Variants in UBTD2 observed in about 807,000 individuals in gnomAD.
The protein encoded by UBTD2 is ubiquitin domain-containing protein 2.
In UBTD2, 9 loss-of-function variants were observed where a neutral mutation model predicts 19.8. The observed-to-expected ratio is 0.46, with a 90% CI of 0.27 to 0.79. UBTD2 has a LOEUF of 0.79. Among genes scored for constraint, UBTD2 ranks in the 30% least tolerant of loss-of-function variants. UBTD2 has a pLI of 0.14. For missense variants in UBTD2, 250 were observed against 300.4 expected, an observed-to-expected ratio of 0.83 and a Z score of 1.24; for synonymous variants, 98 against 103.9, an observed-to-expected ratio of 0.94 and a Z score of 0.35.
chr5:172,217,392 C>A (rs540797973), intron 2 of UBTD2, among the ~76,000 whole-genome samples: 2 of 144,342 alleles, frequency 1.4e-5, no homozygotes, highest in East Asian at 4.0e-4. Context: ...GCACTCCAGC[C>A]TGGGCGAAAG....
chr5:172,238,784 C>A (rs1472201681), intron 1 of UBTD2, among the ~76,000 whole-genome samples: 1 of 152,098 alleles, frequency 6.6e-6, no homozygotes, highest in Admixed American at 6.6e-5. Context: ...TCTTTGAAAA[C>A]CTTGATTTAA....
At chr5:172,258,618 T>C (rs576920365) in intron 1 of UBTD2, among the ~76,000 whole-genome samples, 114 of 152,344 alleles carry the variant, frequency 7.5e-4, no homozygotes, top group Non-Finnish European at 1.2e-3. Context: ...TTTGTTTATG[T>C]CCTCTGATTT....
Position 172,248,460 on chromosome 5 carries a change from C to T in UBTD2, c.71-14102G>A, listed in dbSNP as rs554138789. 2.8e-4 allele frequency among the ~76,000 whole-genome samples: 42 copies of T among 152,080 alleles called. 1 individual carries two copies. Among genetic ancestry groups the T allele is most frequent in the Middle Eastern group, 3.4e-3 (1 of 294 alleles). ...AAAATTAGCTGGGTGTGGCGGCACA[C>T]CCCCGTAGTCCCAGCTACTCGGGAG... On this transcript the variant is annotated intron_variant, in intron 1 of 2. Transcript: ENST00000393792.
chr5:172,244,295 G>GTTTGTT (rs1214308760), intron 1 of UBTD2, among the ~76,000 whole-genome samples: 2 of 126,068 alleles, frequency 1.6e-5, no homozygotes, highest in Non-Finnish European at 3.3e-5. Flanking sequence ...TTTCCTCCCA[G>GTTTGTT]TTTTTTTTTT....
intron 1 of UBTD2, among the ~76,000 whole-genome samples, chr5:172,272,413 T>C (rs985605245): frequency 2.0e-5 from 3 of 152,096 alleles, no homozygotes; most frequent in Non-Finnish European, 4.4e-5. Flanking sequence ...AGCGGAAAGA[T>C]GCGAGGGATG....
At chr5:172,216,164 C>CA (rs566675245) in intron 2 of UBTD2, among the ~76,000 whole-genome samples, 291 of 150,078 alleles carry the variant, frequency 1.9e-3, no homozygotes, top group African/African-American at 6.1e-3. Flanking sequence ...GAGACTGTCT[C>CA]AAAAAAAACA....
intron 2 of UBTD2, 115 bp downstream of exon 2, chr5:172,234,006 TA>T (rs879428326): frequency 0.015 from 12,662 of 846,084 alleles, no homozygotes; most frequent in South Asian, 0.017. Flanking sequence ...CTTGCTACAT[TA>T]AAAAAAAAAG....
intron 1 of UBTD2, among the ~76,000 whole-genome samples, chr5:172,280,235 A>C (rs1755682797): frequency 6.6e-6 from 1 of 151,484 alleles, no homozygotes; most frequent in Non-Finnish European, 1.5e-5. Context: ...GGCTGGGCAC[A>C]GTCGCTCACA....
At chr5:172,221,661 CAAT>C (rs1283872400) in intron 2 of UBTD2, among the ~76,000 whole-genome samples, 1 of 151,968 alleles carries the variant, frequency 6.6e-6, no homozygotes, top group African/African-American at 2.4e-5. Flanking sequence ...ACTATGAAGA[CAAT>C]AAAAAAGGTC....
intron 2 of UBTD2, among the ~76,000 whole-genome samples, chr5:172,223,779 T>C (rs13356031): frequency 0.33 from 50,463 of 151,648 alleles, 8,492 homozygotes; most frequent in South Asian, 0.42. Flanking sequence ...GTCACAGAAC[T>C]AGTAAGTGGC....
intron 1 of UBTD2, among the ~76,000 whole-genome samples, chr5:172,273,632 T>C (rs1440647549): frequency 8.4e-6 from 1 of 119,006 alleles, no homozygotes; most frequent in Admixed American, 8.5e-5. Flanking sequence ...CTTTCCAACA[T>C]AAATTCCAAT....
chr5:172,262,539 T>C (rs539391933), intron 1 of UBTD2, among the ~76,000 whole-genome samples: 1 of 147,736 alleles, frequency 6.8e-6, no homozygotes, highest in South Asian at 2.2e-4. Flanking sequence ...CAGCCAGGCA[T>C]GGTGGCTCAC....
At chr5:172,237,209 T>C (rs146969910) in intron 1 of UBTD2, among the ~76,000 whole-genome samples, 4,012 of 152,268 alleles carry the variant, frequency 0.026, 91 homozygotes, top group Middle Eastern at 0.054. Flanking sequence ...TTCTCCTGCC[T>C]CAGCCTCTCG....
Position 172,283,315 on chromosome 5 carries a change from G to T in UBTD2, c.70+281C>A, listed in dbSNP as rs1238452528. Among the ~76,000 whole-genome samples the T allele has an allele frequency of 6.6e-6, 1 of 152,112 alleles. No homozygotes were observed. Among genetic ancestry groups the T allele is most frequent in the Admixed American group, 6.5e-5 (1 of 15,280 alleles). Reference sequence around the variant, plus strand: ...GCCTGGAGAGGGAGTGAGGTGGCCAGAAGGGCAGCTTCGGGTCCGACTTCC... The same window carrying T: ...GCCTGGAGAGGGAGTGAGGTGGCCATAAGGGCAGCTTCGGGTCCGACTTCC... On this transcript the variant is annotated intron_variant, in intron 1 of 2. Transcript: ENST00000393792. This position sits in a 1 kb window ranked among gnomAD's most constrained non-coding sequence, Gnocchi z 4.3.
chr5:172,256,299 A>AAC (rs373444262), intron 1 of UBTD2, among the ~76,000 whole-genome samples: 2 of 152,038 alleles, frequency 1.3e-5, no homozygotes, highest in African/African-American at 4.8e-5. Flanking sequence ...ACCTGCCCCC[A>AAC]ACACACACAC....
intron 2 of UBTD2, among the ~76,000 whole-genome samples, chr5:172,232,912 C>T (rs938451982): frequency 7.2e-5 from 11 of 151,734 alleles, no homozygotes; most frequent in African/African-American, 2.7e-4. Context: ...GAGGCTGAGG[C>T]GGGCGGATCA....
chr5:172,232,205 G>A (rs1233913341), intron 2 of UBTD2, among the ~76,000 whole-genome samples: 2 of 151,990 alleles, frequency 1.3e-5, no homozygotes, highest in African/African-American at 2.4e-5. Flanking sequence ...CCTGGGAGGT[G>A]GAGGTTACAG....
At chr5:172,238,290 T>C (rs1327396505) in intron 1 of UBTD2, among the ~76,000 whole-genome samples, 1 of 152,202 alleles carries the variant, frequency 6.6e-6, no homozygotes, top group Admixed American at 6.5e-5. Flanking sequence ...CAGTGAAGAA[T>C]TTAAAGACAG....
chr5:172,237,892 TTTC>T, intron 1 of UBTD2, among the ~76,000 whole-genome samples: 2 of 152,356 alleles, frequency 1.3e-5, no homozygotes, highest in South Asian at 4.1e-4. Flanking sequence ...ACAGGCTGTC[TTTC>T]TTCTTTTCAT....
Sources: allele counts gnomAD v4.1 joint callset (sites outside exome capture counted in the v4.1 genomes callset), GRCh38; gene constraint gnomAD v4.1.1; non-coding constraint Gnocchi (gnomAD v3.1); transcripts MANE v1.5; gene names NCBI Gene and HGNC (gene_info 2026-07-23, HGNC 2026-07-21).